Variants in KMT2C observed in about 807,000 individuals in gnomAD.
KMT2C encodes the protein histone-lysine N-methyltransferase 2C.
In KMT2C, 88 loss-of-function variants were observed where a neutral mutation model predicts 507.9. The observed-to-expected ratio is 0.17, with a 90% CI of 0.15 to 0.21. The LOEUF (loss-of-function observed/expected upper bound fraction) is 0.21, where lower values mean the gene tolerates loss of function less well. Among genes scored for constraint, KMT2C ranks in the 10% least tolerant of loss-of-function variants. The pLI is 1.00. For missense variants in KMT2C, 4,954 were observed against 5,957.8 expected (o/e 0.83, Z 5.55); for synonymous variants, 2,049 against 2,080.8 (o/e 0.98, Z 0.42).
chr7:152,324,533 GA>G (rs1194082050), intron 3 of KMT2C, among the ~76,000 whole-genome samples: 1 of 151,770 alleles, frequency 6.6e-6, no homozygotes, highest in African/African-American at 2.4e-5. Flanking sequence ...AATATAACAT[GA>G]GAAAATTGGT....
intron 29 of KMT2C, 81 bp from the exon 30 acceptor site, chr7:152,194,342 GAAAT>G: frequency 7.2e-7 from 1 of 1,384,340 alleles, no homozygotes; most frequent in Non-Finnish European, 1.0e-6. Flanking sequence ...TTAACTGACA[GAAAT>G]AATTAGAAGT....
intron 2 of KMT2C, among the ~76,000 whole-genome samples, chr7:152,350,833 CTTTT>C (rs904255498): frequency 4.6e-5 from 7 of 152,244 alleles, no homozygotes; most frequent in African/African-American, 1.7e-4. Context: ...ACTTTATAAA[CTTTT>C]TTTAAACTTT....
At chr7:152,382,148 T>C (rs969446886) in intron 1 of KMT2C, among the ~76,000 whole-genome samples, 1 of 152,254 alleles carries the variant, frequency 6.6e-6, no homozygotes, top group Non-Finnish European at 1.5e-5. Flanking sequence ...TAGCCTTTTT[T>C]AGCAAAATGA....
At position 152,333,610 on chromosome 7, in the gene KMT2C, G is replaced by A. The variant is rs187275164; in HGVS notation, c.251-2871C>T. 2.2e-4 allele frequency among the ~76,000 whole-genome samples: 33 copies of A among 151,866 alleles called. No individual in the cohort carries two copies. In the East Asian group the frequency reaches 4.6e-3, roughly 21 times the overall value. ...TTCACACAAAACTTTATCTCTTATCGCTCAGATTAGCACTTCAATCTGACT... is the reference window on the plus strand; with the variant it reads ...TTCACACAAAACTTTATCTCTTATCACTCAGATTAGCACTTCAATCTGACT... On this transcript the variant is annotated intron_variant, in intron 2 of 58. Coordinates refer to ENST00000262189, the MANE Select transcript of KMT2C (RefSeq NM_170606.3).
Position 152,179,933 on chromosome 7 carries a change from GC to G in KMT2C, c.7342del (p.Ala2448ProfsTer4). On this transcript the variant is annotated frameshift_variant, in exon 37 of 59. Coordinates refer to ENST00000262189, the MANE Select transcript of KMT2C (RefSeq NM_170606.3). LOFTEE classifies it high-confidence loss of function. The stretch of plus-strand genomic sequence containing the variant: ...AGCATATCTAGGTCCTAAAGGAGGG[GC>G]AACAGGAGACCTAATGTTCCCAGGA... Reference protein sequence around the residue: ...PYPGNIRSPVAPPLGPRYAVF... With the variant: ...PYPGNIRSPVXPPLGPRYAVF... 6.2e-7 allele frequency: 1 copy of G among 1,614,104 alleles called. No homozygotes were observed. The highest frequency in any genetic ancestry group is 8.5e-7 in the Non-Finnish European group (1 of 1,179,970).
intron 6 of KMT2C, among the ~76,000 whole-genome samples, chr7:152,299,615 C>T (rs1268069277): frequency 2.6e-5 from 4 of 152,092 alleles, no homozygotes; most frequent in Middle Eastern, 3.4e-3. Flanking sequence ...CACCACTGCA[C>T]TCTAGCTTGG....
At chr7:152,155,386 C>T (rs757862212) in intron 46 of KMT2C, among the ~76,000 whole-genome samples, 1 of 152,148 alleles carries the variant, frequency 6.6e-6, no homozygotes. Context: ...AGTTGGCTAG[C>T]GATCATCTAC....
intron 2 of KMT2C, among the ~76,000 whole-genome samples, chr7:152,346,325 A>C (rs1288241294): frequency 6.6e-6 from 1 of 152,248 alleles, no homozygotes; most frequent in Non-Finnish European, 1.5e-5. Context: ...GGTAGACCAC[A>C]TTCTGAGCCA....
At chr7:152,307,255 T>TAGGA (rs1203026089) in intron 6 of KMT2C, among the ~76,000 whole-genome samples, 88 of 49,366 alleles carry the variant, frequency 1.8e-3, no homozygotes, top group South Asian at 6.7e-3. Context: ...GGAAGGACGG[T>TAGGA]AGGAAGGAAG....
intron 3 of KMT2C, among the ~76,000 whole-genome samples, chr7:152,323,947 G>A (rs1455140284): frequency 1.3e-5 from 2 of 151,556 alleles, no homozygotes; most frequent in Non-Finnish European, 2.9e-5. Context: ...GACAAATACG[G>A]CATGATCTCA....
In KMT2C at chr7:152,435,651, A is replaced by G. The variant is rs2097911007; in HGVS notation, c.136T>C (p.Ser46Pro). The G allele has an allele frequency of 1.6e-5, 25 of 1,539,214 alleles. No homozygotes were observed. Among genetic ancestry groups the G allele is most frequent in the Non-Finnish European group, 2.1e-5 (24 of 1,142,120 alleles). Residue 46 changes from serine to proline, a missense_variant, in exon 1 of 59, where the codon TCC becomes CCC. By Grantham distance (74) the Ser-to-Pro change is moderately conservative (BLOSUM62 -1). This residue lies in a region of KMT2C where 233 missense variants were observed against 263.6 expected (regional missense o/e 0.88). Coordinates refer to ENST00000262189, the MANE Select transcript of KMT2C (RefSeq NM_170606.3). ...TTCTTTCTGGCTCTCTGGAAAGGGGAAGCGCCATCTTTGCGAGGCCGGCCC... is the reference window on the plus strand; with the variant it reads ...TTCTTTCTGGCTCTCTGGAAAGGGGGAGCGCCATCTTTGCGAGGCCGGCCC... Reference protein sequence around the residue: ...PRGRPRKDGASPFQRARKKPR... With the variant: ...PRGRPRKDGAPPFQRARKKPR...
chr7:152,330,208 A>T (rs2096870169), intron 3 of KMT2C, among the ~76,000 whole-genome samples: 1 of 151,666 alleles, frequency 6.6e-6, no homozygotes, highest in African/African-American at 2.4e-5. Context: ...AATAGGTTAT[A>T]ATGTCCTGTG....
chr7:152,154,883 T>C (rs968013739), intron 46 of KMT2C: 15 of 156,976 alleles, frequency 9.6e-5, no homozygotes, highest in Admixed American at 1.9e-4. Flanking sequence ...GTCCAACACA[T>C]ATGCAATGGT....
chr7:152,367,518 A>C (rs1235731651), intron 1 of KMT2C: 1 of 1,077,476 alleles, frequency 9.3e-7, no homozygotes, highest in Admixed American at 1.7e-5. Flanking sequence ...TTACCCAGAG[A>C]GGCGAACCTG....
At chr7:152,285,976 G>A (rs1361202658) in intron 6 of KMT2C, among the ~76,000 whole-genome samples, 1 of 152,172 alleles carries the variant, frequency 6.6e-6, no homozygotes, top group Non-Finnish European at 1.5e-5. Flanking sequence ...CAAAGACCCT[G>A]TCTCAAAAGA....
chr7:152,243,955 G>A (rs2095428338), intron 14 of KMT2C, among the ~76,000 whole-genome samples: 4 of 152,228 alleles, frequency 2.6e-5, no homozygotes, highest in South Asian at 4.2e-4. Flanking sequence ...TCTATAAGAC[G>A]TGATGATACA....
chr7:152,214,443 C>T (rs778315932), intron 23 of KMT2C, among the ~76,000 whole-genome samples: 15 of 152,166 alleles, frequency 9.9e-5, no homozygotes, highest in African/African-American at 2.6e-4. Flanking sequence ...GGAACTGAGA[C>T]GTTAAGCTAA....
intron 22 of KMT2C, among the ~76,000 whole-genome samples, chr7:152,221,018 G>A (rs1261503385): frequency 1.3e-5 from 2 of 152,158 alleles, no homozygotes; most frequent in Admixed American, 6.5e-5. Context: ...ACTTTGGGGG[G>A]CCGAGGCGGC....
chr7:152,163,559 C>A lies in KMT2C; in HGVS notation c.10018G>T (p.Ala3340Ser). 1.9e-6 allele frequency: 3 copies of A among 1,608,278 alleles called. No homozygotes were observed. The highest frequency in any genetic ancestry group is 2.6e-6 in the Non-Finnish European group (3 of 1,176,470). The change falls in exon 43 of 59, where the codon GCT (alanine) becomes TCT (serine). Residue 3340 changes from alanine (A) to serine (S), a missense_variant. Ala to Ser is a moderately conservative substitution (Grantham distance 99). Transcript: ENST00000262189. ...PSLPGWQPNS[A>S]PAHLPLNPPR... ...GGATTGAGGGGCAGGTGGGCAGGAG[C>A]ACTGTTGGGTTGCCATCCAGGTAAA...
Sources: gnomAD v4.1 joint callset for allele counts (sites outside exome capture counted in the v4.1 genomes callset) on GRCh38, gnomAD v4.1.1 for gene constraint, gnomAD v4.1.1 regional missense constraint, MANE v1.5 for transcripts, NCBI Gene and HGNC (gene_info 2026-07-23, HGNC 2026-07-21) for gene names.